The following NBAS variants were observed in gnomAD, a reference collection of about 807,000 sequenced individuals.
NBAS encodes the protein NBAS subunit of NRZ tethering complex.
In NBAS, 219 loss-of-function variants were observed where a neutral mutation model predicts 302.5. The ratio of observed to expected loss-of-function variants is 0.72; its 90% confidence interval spans 0.65 to 0.81. NBAS has a LOEUF of 0.81. Ranked by LOEUF, NBAS falls within the 30% of genes least tolerant of loss-of-function variation. The probability of loss-of-function intolerance (pLI) is 0.00; values close to 1 mark genes in which losing one functional copy is unlikely to be tolerated. For missense variants in NBAS, 2,932 were observed against 2,841.6 expected (o/e 1.03, Z -0.72); for synonymous variants, 1,118 against 1,021.6 (o/e 1.09, Z -1.80).
At chr2:15,333,600 T>C (rs1247085771) in intron 35 of NBAS, among the ~76,000 whole-genome samples, 4 of 152,112 alleles carry the variant, frequency 2.6e-5, no homozygotes, top group Admixed American at 2.6e-4. Context: ...CAAGGTATTT[T>C]CCAATTAAAT....
intron 29 of NBAS, among the ~76,000 whole-genome samples, chr2:15,380,194 C>A (rs1674964889): frequency 6.6e-6 from 1 of 152,132 alleles, no homozygotes. Context: ...CAACAGGGCC[C>A]ATTTTGCTTA....
chr2:15,197,561 G>A (rs1418877285), intron 48 of NBAS, among the ~76,000 whole-genome samples: 1 of 152,140 alleles, frequency 6.6e-6, no homozygotes, highest in Non-Finnish European at 1.5e-5. Flanking sequence ...TGAGAAATTA[G>A]ACAGACGATC....
At chr2:15,470,113 C>T (rs1679896348) in intron 16 of NBAS, among the ~76,000 whole-genome samples, 1 of 152,100 alleles carries the variant, frequency 6.6e-6, no homozygotes, top group Non-Finnish European at 1.5e-5. Context: ...TATTGCCTCA[C>T]ATCAGTTCTT....
chr2:15,301,699 C>G (rs991587520), intron 40 of NBAS, among the ~76,000 whole-genome samples: 3 of 152,218 alleles, frequency 2.0e-5, no homozygotes, highest in African/African-American at 7.2e-5. Flanking sequence ...AATACATGCG[C>G]TCTGACAGAG....
At chr2:15,397,929 A>C (rs112243795) in intron 26 of NBAS, 78 of 176,594 alleles carry the variant, frequency 4.4e-4, no homozygotes, top group Non-Finnish European at 3.5e-4. Context: ...GCCTGGTCTA[A>C]ATGTATTTAA....
intron 9 of NBAS, among the ~76,000 whole-genome samples, chr2:15,521,924 T>C (rs181338066): frequency 1.9e-4 from 29 of 152,310 alleles, no homozygotes; most frequent in Admixed American, 1.0e-3. Context: ...GCAGAGACCA[T>C]ATGGCCTGCA....
At chr2:15,307,809 TA>T (rs11341030) in intron 40 of NBAS, among the ~76,000 whole-genome samples, 5,220 of 149,008 alleles carry the variant, frequency 0.035, 263 homozygotes, top group African/African-American at 0.12. Flanking sequence ...ACCTCTGGCT[TA>T]AAAAAAAAAA....
chr2:15,176,822 G>C (rs915981214), intron 51 of NBAS, among the ~76,000 whole-genome samples: 4 of 152,144 alleles, frequency 2.6e-5, no homozygotes, highest in African/African-American at 7.2e-5. Context: ...TGTCACACTG[G>C]GGGGAACTGG....
chr2:15,275,373 A>C, intron 44 of NBAS, 111 bp downstream of exon 44: 1 of 1,266,764 alleles, frequency 7.9e-7, no homozygotes, highest in Non-Finnish European at 1.1e-6. Context: ...TTAAAAAGCC[A>C]ACATGTAATT....
chr2:15,413,271 G>T (rs549690075), intron 25 of NBAS, among the ~76,000 whole-genome samples: 1 of 151,996 alleles, frequency 6.6e-6, no homozygotes, highest in South Asian at 2.1e-4. Context: ...TTATTCACTT[G>T]CCCTGCCAAA....
intron 23 of NBAS, among the ~76,000 whole-genome samples, chr2:15,423,953 A>G (rs1030091634): frequency 2.6e-5 from 4 of 152,244 alleles, no homozygotes; most frequent in African/African-American, 9.6e-5. Context: ...GCAAAGTTAC[A>G]ATCAACTGCA....
At chr2:14,832,545 C>T in the NBAS span, among the ~76,000 whole-genome samples, 1 of 152,098 alleles carries the variant, frequency 6.6e-6, no homozygotes, top group Non-Finnish European at 1.5e-5. Context: ...ACTCTCTGTG[C>T]CATCGCTCCA....
chr2:15,284,910 A>G (rs1238030215), intron 42 of NBAS, among the ~76,000 whole-genome samples: 2 of 152,198 alleles, frequency 1.3e-5, no homozygotes, highest in African/African-American at 4.8e-5. Flanking sequence ...TCACAGTGCT[A>G]CCAGGTATAA....
the NBAS span, among the ~76,000 whole-genome samples, chr2:14,940,188 C>T: frequency 6.6e-6 from 1 of 152,176 alleles, no homozygotes; most frequent in South Asian, 2.1e-4. Flanking sequence ...GTTTCTTCTA[C>T]CACATCTCCT....
chr2:14,868,848 A>T, the NBAS span, among the ~76,000 whole-genome samples: 1 of 152,196 alleles, frequency 6.6e-6, no homozygotes, highest in Non-Finnish European at 1.5e-5. Context: ...CTTACAGCAG[A>T]GCATAGGGAA....
At chr2:15,232,788 C>A (rs1667436095) in intron 46 of NBAS, among the ~76,000 whole-genome samples, 1 of 151,860 alleles carries the variant, frequency 6.6e-6, no homozygotes, top group Non-Finnish European at 1.5e-5. Flanking sequence ...GAAAAACATT[C>A]GTTGAACATT....
chr2:15,465,334 G>A (rs1356265992), intron 19 of NBAS, among the ~76,000 whole-genome samples: 1 of 152,186 alleles, frequency 6.6e-6, no homozygotes. Context: ...CCTATGTGGA[G>A]TCTTCTCAGA....
the NBAS span, among the ~76,000 whole-genome samples, chr2:15,090,313 C>G: frequency 2.0e-5 from 3 of 152,310 alleles, no homozygotes; most frequent in East Asian, 5.8e-4. Context: ...CACATCAACT[C>G]CAAGATTTCT....
At position 15,402,317 on chromosome 2, in the gene NBAS, T is replaced by C; in HGVS notation, c.2938-16A>G. On this transcript the variant is annotated splice_polypyrimidine_tract_variant and intron_variant, in intron 25 of 51. Coordinates refer to ENST00000281513, the MANE Select transcript of NBAS (RefSeq NM_015909.4). ...TTTGCTGCAGCTACAGAAAATAAAG[T>C]ATGTTGTACTAAATGTCAACAGATT... 1 of 1,612,872 alleles carries C rather than the reference T, an allele frequency of 6.2e-7. No homozygotes were observed. The highest frequency in any genetic ancestry group is 1.1e-5 in the South Asian group (1 of 91,040).
Sources: gnomAD v4.1 joint callset for allele counts (sites outside exome capture counted in the v4.1 genomes callset) on GRCh38, gnomAD v4.1.1 for gene constraint, MANE v1.5 for transcripts, NCBI Gene and HGNC (gene_info 2026-07-23, HGNC 2026-07-21) for gene names.